The following C13orf42 variants were observed in gnomAD, a reference collection of about 807,000 sequenced individuals.
The protein encoded by C13orf42 is chromosome 13 open reading frame 42.
intron 1 of C13orf42, among the ~76,000 whole-genome samples, chr13:51,145,540 A>T (rs2408293): frequency 0.49 from 74,581 of 151,658 alleles, 18,440 homozygotes; most frequent in African/African-American, 0.54. Flanking sequence ...AGATTTTTTT[A>T]AAAAAGGGGG....
At chr13:51,160,017 TACTC>T (rs904572921) in intron 1 of C13orf42, among the ~76,000 whole-genome samples, 102 of 152,278 alleles carry the variant, frequency 6.7e-4, no homozygotes, top group African/African-American at 2.2e-3. Context: ...TTGTGAGACT[TACTC>T]ACTATCTCGA....
chr13:51,091,821 AG>A (rs1953182771), intron 1 of C13orf42, among the ~76,000 whole-genome samples: 1 of 152,176 alleles, frequency 6.6e-6, no homozygotes. Context: ...AAGAGCAGAC[AG>A]GAGTGTCTCC....
At chr13:51,093,277 C>T (rs1953199480) in intron 1 of C13orf42, among the ~76,000 whole-genome samples, 2 of 152,192 alleles carry the variant, frequency 1.3e-5, no homozygotes, top group African/African-American at 4.8e-5. Flanking sequence ...ACTCCTTCTT[C>T]TGGGTATTGG....
rs944510035 is a variant in C13orf42, at chr13:51,168,905, C to T, written n.136+3348G>A. Among the ~76,000 whole-genome samples the T allele has an allele frequency of 5.9e-5, 9 of 152,158 alleles. No homozygotes were observed. In the South Asian group the frequency reaches 6.2e-4, roughly 11 times the overall value. On this transcript the variant is annotated intron_variant and non_coding_transcript_variant, in intron 1 of 4. Coordinates refer to the C13orf42 transcript ENST00000433280. ...CCTTCTCTCGCCATCTAAGATAAGCCTCTTTCCTCTTTGCCTTCCGCCATA... is the reference window on the plus strand; with the variant it reads ...CCTTCTCTCGCCATCTAAGATAAGCTTCTTTCCTCTTTGCCTTCCGCCATA...
intron 1 of C13orf42, among the ~76,000 whole-genome samples, chr13:51,164,197 T>C (rs922813795): frequency 5.9e-5 from 9 of 152,216 alleles, no homozygotes; most frequent in African/African-American, 1.9e-4. Flanking sequence ...GAAGTGTGGC[T>C]AGAAAGTATC....
rs1277558116 is a variant in C13orf42 at position 51,153,621 on chromosome 13, GTTTTTTTTCTT to G, written n.136+18621_136+18631del. 6.1e-5 allele frequency among the ~76,000 whole-genome samples: 5 copies of G among 82,038 alleles called. No homozygotes were observed. The South Asian group carries it at 1.2e-3, about 20-fold the overall frequency. 53.8% of individuals were successfully genotyped at this position (82,038 alleles called of 152,430 possible). A position where few individuals can be genotyped will look rare whatever the true frequency, so the allele number is the denominator to read the frequency against. Reference sequence around the variant, plus strand: ...TTATCAACCCATTTTCTTGCTTTCTGTTTTTTTTCTTTTTTTTTTTTTTTTTTTTTTTTTTG... The same window carrying G: ...TTATCAACCCATTTTCTTGCTTTCTGTTTTTTTTTTTTTTTTTTTTTTTTG... On this transcript the variant is annotated intron_variant and non_coding_transcript_variant, in intron 1 of 4. Transcript: ENST00000433280.
chr13:51,165,455 G>A lies in C13orf42; in HGVS notation n.136+6798C>T, dbSNP rs549282482. Among the ~76,000 whole-genome samples the A allele has an allele frequency of 4.6e-5, 7 of 152,242 alleles. No homozygotes were observed. The East Asian group carries it at 9.6e-4, about 21-fold the overall frequency. On this transcript the variant is annotated intron_variant and non_coding_transcript_variant, in intron 1 of 4. Coordinates refer to the C13orf42 transcript ENST00000433280. ...CCTACTGGGGCCCTGACTAATGCAG[G>A]AAGAAGACACAGATATAAACCCAGG...
intron 1 of C13orf42, among the ~76,000 whole-genome samples, chr13:51,143,200 G>A (rs1411873406): frequency 6.6e-6 from 1 of 152,144 alleles, no homozygotes; most frequent in Non-Finnish European, 1.5e-5. Flanking sequence ...AGGCCCCATA[G>A]AAGATGCTAA....
intron 2 of C13orf42, among the ~76,000 whole-genome samples, chr13:51,086,063 T>G (rs1020762973): frequency 6.6e-6 from 1 of 150,962 alleles, no homozygotes; most frequent in Non-Finnish European, 1.5e-5. Context: ...TCCCAACACT[T>G]TGGGAGGCTG....
At chr13:51,167,621 A>G (rs963425852) in intron 1 of C13orf42, among the ~76,000 whole-genome samples, 8 of 152,194 alleles carry the variant, frequency 5.3e-5, no homozygotes, top group Admixed American at 1.3e-4. Flanking sequence ...CAGAGACTGC[A>G]AGTCTCTTTG....
intron 1 of C13orf42, among the ~76,000 whole-genome samples, chr13:51,121,369 G>A (rs1386163137): frequency 1.3e-5 from 2 of 152,034 alleles, no homozygotes; most frequent in African/African-American, 4.8e-5. Flanking sequence ...GGGTTGCAAG[G>A]GTGGGGAAAG....
chr13:51,152,191 C>T lies in C13orf42; in HGVS notation n.136+20062G>A, dbSNP rs969128032. 3.3e-5 allele frequency among the ~76,000 whole-genome samples: 5 copies of T among 152,352 alleles called. No individual in the cohort carries two copies. The South Asian group carries it at 6.2e-4, about 19-fold the overall frequency. On this transcript the variant is annotated intron_variant and non_coding_transcript_variant, in intron 1 of 4. Transcript: ENST00000433280. ...GAGGTCCCTCAGAACATTCCTACTG[C>T]TATGTGACCATGCTTAGAACGGTGC...
chr13:51,162,422 C>T (rs558248792), intron 1 of C13orf42: 1 of 153,044 alleles, frequency 6.5e-6, no homozygotes, highest in Admixed American at 6.5e-5. Context: ...TTGTCATATA[C>T]TTTTGACATT....
At chr13:51,110,212 C>T (rs1196552837) in intron 1 of C13orf42, among the ~76,000 whole-genome samples, 1 of 152,148 alleles carries the variant, frequency 6.6e-6, no homozygotes, top group Non-Finnish European at 1.5e-5. Context: ...CACTTTTCAC[C>T]AGGATTTTTA....
intron 1 of C13orf42, among the ~76,000 whole-genome samples, chr13:51,122,103 T>C (rs1309089898): frequency 6.6e-6 from 1 of 152,140 alleles, no homozygotes; most frequent in Non-Finnish European, 1.5e-5. Flanking sequence ...ACAAATATTT[T>C]TAGTATATTA....
At chr13:51,148,354 G>A (rs1953754451) in intron 1 of C13orf42, among the ~76,000 whole-genome samples, 1 of 152,230 alleles carries the variant, frequency 6.6e-6, no homozygotes, top group Non-Finnish European at 1.5e-5. Context: ...CACACGCACG[G>A]CCCCTGCCCT....
At chr13:51,124,864 T>C (rs888309592) in intron 1 of C13orf42, among the ~76,000 whole-genome samples, 1 of 152,226 alleles carries the variant, frequency 6.6e-6, no homozygotes, top group African/African-American at 2.4e-5. Context: ...CAAACCCTAA[T>C]TCTTAAATTA....
At chr13:51,130,784 T>C (rs1593545554) in intron 1 of C13orf42, among the ~76,000 whole-genome samples, 1 of 152,052 alleles carries the variant, frequency 6.6e-6, no homozygotes, top group Admixed American at 6.5e-5. Context: ...CATTGTAACA[T>C]ATAGTTAAGA....
chr13:51,157,064 T>C (rs1423320085), intron 1 of C13orf42, among the ~76,000 whole-genome samples: 1 of 152,190 alleles, frequency 6.6e-6, no homozygotes, highest in African/African-American at 2.4e-5. Context: ...AGCTCCAGTG[T>C]TATATGTGCA....
Sources: allele counts gnomAD v4.1 joint callset (sites outside exome capture counted in the v4.1 genomes callset), GRCh38; gene constraint gnomAD v4.1.1; transcripts MANE v1.5; gene names NCBI Gene and HGNC (gene_info 2026-07-23, HGNC 2026-07-21).